The following PCDHA9 variants were observed in gnomAD, a reference collection of about 807,000 sequenced individuals.
The protein encoded by PCDHA9 is protocadherin alpha 9.
PCDHA9 carries 62 observed loss-of-function variants against 62.0 expected under a neutral mutation model. That is an observed-to-expected ratio of 1.00 (90% CI 0.81 to 1.23). PCDHA9 has a LOEUF of 1.23. Among genes scored for constraint, PCDHA9 ranks in the 50% most tolerant of loss-of-function variants. The pLI, the probability that PCDHA9 is intolerant of heterozygous loss-of-function variation, is 0.00. For synonymous variants in PCDHA9, 557 were observed against 567.6 expected (o/e 0.98, Z 0.27); for missense variants, 1,205 against 1,249.8 (o/e 0.96, Z 0.54).
intron 1 of PCDHA9, chr5:140,853,641 A>G (rs1211855290): frequency 1.0e-6 from 1 of 988,686 alleles, no homozygotes; most frequent in East Asian, 1.1e-4. Context: ...ACAGACCTAA[A>G]TTGAGCCTGT....
chr5:140,894,113 G>C (rs1239376474), intron 1 of PCDHA9, among the ~76,000 whole-genome samples: 1 of 152,072 alleles, frequency 6.6e-6, no homozygotes, highest in Non-Finnish European at 1.5e-5. Context: ...TTGCAGATGA[G>C]AAGTTTCAAA....
At chr5:140,921,832 A>G (rs1276240870) in intron 1 of PCDHA9, among the ~76,000 whole-genome samples, 1 of 152,120 alleles carries the variant, frequency 6.6e-6, no homozygotes, top group African/African-American at 2.4e-5. Flanking sequence ...CTATACACAT[A>G]TAGACATATT....
At chr5:140,955,207 G>A (rs2153705473) in intron 1 of PCDHA9, among the ~76,000 whole-genome samples, 1 of 152,290 alleles carries the variant, frequency 6.6e-6, no homozygotes, top group South Asian at 2.1e-4. Context: ...CAATCAAGTA[G>A]CATGATGCCT....
chr5:141,004,933 AAAAT>A (rs1336216932), intron 3 of PCDHA9, among the ~76,000 whole-genome samples: 1 of 152,198 alleles, frequency 6.6e-6, no homozygotes, highest in Non-Finnish European at 1.5e-5. Flanking sequence ...AAGAGAGAAG[AAAAT>A]TTCTTACCCT....
At chr5:140,943,600 A>G (rs996134923) in intron 1 of PCDHA9, among the ~76,000 whole-genome samples, 1 of 152,198 alleles carries the variant, frequency 6.6e-6, no homozygotes, top group African/African-American at 2.4e-5. Context: ...AATTCTAAAT[A>G]TAGACTTTGA....
chr5:140,851,348 A>G (rs2042033345), intron 1 of PCDHA9: 1 of 977,536 alleles, frequency 1.0e-6, no homozygotes, highest in African/African-American at 1.7e-5. Context: ...ATTTCTCTGG[A>G]TGGAGACTGT....
intron 1 of PCDHA9, among the ~76,000 whole-genome samples, chr5:140,926,178 GC>G (rs1221259064): frequency 6.6e-6 from 1 of 151,700 alleles, no homozygotes; most frequent in South Asian, 2.2e-4. Flanking sequence ...AGCGCGGAAA[GC>G]CCCCCGCAGC....
Position 140,857,975 on chromosome 5 carries a change from C to T in PCDHA9, c.2394+7086C>T, listed in dbSNP as rs782181380. The T allele has an allele frequency of 7.5e-6, 12 of 1,596,906 alleles. 2 individuals are homozygous for T. In the Admixed American group the frequency reaches 1.0e-4, roughly 14 times the overall value. On this transcript the variant is annotated intron_variant, in intron 1 of 3. Coordinates refer to ENST00000532602, the MANE Select transcript of PCDHA9 (RefSeq NM_031857.2). ...CGCTCTGGATGAGACTGACTCGCCA[C>T]GCCAGCGCCTACTGGTGCTGGTGAA...
chr5:140,891,748 C>G (rs575198849), intron 1 of PCDHA9, among the ~76,000 whole-genome samples: 2 of 152,242 alleles, frequency 1.3e-5, no homozygotes, highest in African/African-American at 4.8e-5. Flanking sequence ...CCTTATACAA[C>G]AGTGTTGGGA....
chr5:140,883,449 C>G lies in PCDHA9; in HGVS notation c.2394+32560C>G, dbSNP rs782030208. The G allele has an allele frequency of 6.8e-6, 11 of 1,614,058 alleles. No homozygotes were observed. The Admixed American group carries it at 1.8e-4, about 27-fold the overall frequency. On this transcript the variant is annotated intron_variant, in intron 1 of 3. Coordinates refer to ENST00000532602, the MANE Select transcript of PCDHA9 (RefSeq NM_031857.2). Reference sequence around the variant, plus strand: ...ACCTGCACCTTGACGCCGCATGTCCCCTTCAAGCTGGTGTCCACCTACAAG... The same window carrying G: ...ACCTGCACCTTGACGCCGCATGTCCGCTTCAAGCTGGTGTCCACCTACAAG...
chr5:140,922,876 A>G (rs782530609), intron 1 of PCDHA9, among the ~76,000 whole-genome samples: 10 of 152,234 alleles, frequency 6.6e-5, no homozygotes, highest in Non-Finnish European at 1.3e-4. Flanking sequence ...GAAAAAATCC[A>G]AAGACATCAT....
At chr5:140,926,472 T>G in intron 1 of PCDHA9, 1 of 163,134 alleles carries the variant, frequency 6.1e-6, no homozygotes, top group East Asian at 1.8e-4. Context: ...AAAACACCGT[T>G]TAAGGAGAGA....
At chr5:140,875,992 C>T in intron 1 of PCDHA9, 2 of 1,613,870 alleles carry the variant, frequency 1.2e-6, no homozygotes, top group African/African-American at 1.3e-5. Flanking sequence ...TGCGTTAAGT[C>T]TAAATGAGAA....
intron 1 of PCDHA9, among the ~76,000 whole-genome samples, chr5:140,959,091 G>A (rs1257984257): frequency 3.3e-5 from 5 of 152,048 alleles, no homozygotes; most frequent in African/African-American, 1.2e-4. Context: ...CTTGGTTTCG[G>A]ACATTCAGCA....
chr5:140,949,172 A>G (rs574592967), intron 1 of PCDHA9, among the ~76,000 whole-genome samples: 3 of 151,856 alleles, frequency 2.0e-5, no homozygotes, highest in African/African-American at 7.2e-5. Context: ...TCTTTTGGTC[A>G]GAGAACATAC....
In PCDHA9 at chr5:140,917,874, C is replaced by A. The variant is rs1240832097; in HGVS notation, c.2395-61075C>A. Among the ~76,000 whole-genome samples, 13 of 151,108 alleles carry A rather than the reference C, an allele frequency of 8.6e-5. No individual in the cohort carries two copies. In the East Asian group the frequency reaches 2.5e-3, roughly 29 times the overall value. ...CTTAGGATTGCTTTGACTATTTGGG[C>A]TCTTTTTTTTTTCCATATGAATGTT... On this transcript the variant is annotated intron_variant, in intron 1 of 3. Transcript: ENST00000532602.
intron 1 of PCDHA9, among the ~76,000 whole-genome samples, chr5:140,945,145 T>C (rs1310475283): frequency 2.6e-5 from 4 of 152,128 alleles, no homozygotes; most frequent in African/African-American, 2.4e-5. Flanking sequence ...CAATAGCATT[T>C]CTATACACTA....
At position 140,851,668 on chromosome 5, in the gene PCDHA9, G is replaced by A. The variant is rs550292349; in HGVS notation, c.2394+779G>A. 14 of 914,874 alleles carry A rather than the reference G, an allele frequency of 1.5e-5. 2 individuals carry two copies. Among genetic ancestry groups the A allele is most frequent in the Non-Finnish European group, 1.9e-5 (14 of 751,922 alleles). 56.7% of individuals were successfully genotyped at this position (914,874 alleles called of 1,614,324 possible). A position where few individuals can be genotyped will look rare whatever the true frequency, so the allele number is the denominator to read the frequency against. ...TCAAGAAGACATTCTCCTTTTAATT[G>A]AAATTTTCTCCATTCAGTGATAAAA... On this transcript the variant is annotated intron_variant, in intron 1 of 3. Coordinates refer to ENST00000532602, the MANE Select transcript of PCDHA9 (RefSeq NM_031857.2).
intron 1 of PCDHA9, chr5:140,869,160 C>G (rs201759355): frequency 6.2e-7 from 1 of 1,613,768 alleles, no homozygotes; most frequent in African/African-American, 1.3e-5. Flanking sequence ...TCTGGCTTCT[C>G]CTCCTCGAAT....
Sources: allele counts gnomAD v4.1 joint callset (sites outside exome capture counted in the v4.1 genomes callset), GRCh38; gene constraint gnomAD v4.1.1; transcripts MANE v1.5; gene names NCBI Gene and HGNC (gene_info 2026-07-23, HGNC 2026-07-21).